Variants in PLA2G6 observed in about 807,000 individuals in gnomAD.
PLA2G6 encodes phospholipase A2 group VI, also known as 85/88 kDa calcium-independent phospholipase A2.
Under a neutral mutation model 83.8 loss-of-function variants are expected in PLA2G6, and 62 were observed. The ratio of observed to expected loss-of-function variants is 0.74; its 90% confidence interval spans 0.60 to 0.91. The LOEUF (loss-of-function observed/expected upper bound fraction) is 0.91, where lower values mean the gene tolerates loss of function less well. Ranked by LOEUF, PLA2G6 falls within the 40% of genes least tolerant of loss-of-function variation. The probability of loss-of-function intolerance (pLI) is 0.00; values close to 1 mark genes in which losing one functional copy is unlikely to be tolerated. For synonymous variants in PLA2G6, 417 were observed against 449.8 expected (o/e 0.93, Z 0.92); for missense variants, 944 against 1,102.0 (o/e 0.86, Z 2.03).
chr22:38,148,832 A>C, intron 2 of PLA2G6: 2 of 413,788 alleles, frequency 4.8e-6, no homozygotes, highest in Non-Finnish European at 8.6e-6. Flanking sequence ...TTTGTAAGGA[A>C]ACATCAAACT....
chr22:38,140,380 C>A (rs536602793), intron 4 of PLA2G6: 2 of 534,730 alleles, frequency 3.7e-6, no homozygotes, highest in Non-Finnish European at 6.8e-6. Context: ...TGGTGGCAGG[C>A]ACCTGTAATC....
At chr22:38,126,772 C>A in intron 9 of PLA2G6, 1 of 397,364 alleles carries the variant, frequency 2.5e-6, no homozygotes, top group South Asian at 2.2e-5. Flanking sequence ...CCTTGCGTGT[C>A]CTCTTCAGAC....
chr22:38,161,852 T>C (rs1285505990), intron 2 of PLA2G6, among the ~76,000 whole-genome samples: 1 of 151,840 alleles, frequency 6.6e-6, no homozygotes, highest in Admixed American at 6.5e-5. Flanking sequence ...AACAGAGAAA[T>C]GCAGAAAGAC....
At position 38,140,074 on chromosome 22, in the gene PLA2G6, C is replaced by T; in HGVS notation, c.705G>A (p.Met235Ile). 1 of 1,614,074 alleles carries T rather than the reference C, an allele frequency of 6.2e-7. No individual in the cohort carries two copies. Among genetic ancestry groups the T allele is most frequent in the Non-Finnish European group, 8.5e-7 (1 of 1,179,996 alleles). Residue 235 changes from methionine to isoleucine, a missense_variant, in exon 5 of 17, where the codon ATG (methionine) becomes ATA (isoleucine). By Grantham distance (10) the Met-to-Ile change is conservative. Coordinates refer to ENST00000332509, the MANE Select transcript of PLA2G6 (RefSeq NM_003560.4). ...HLACQLGKQE[M>I]VRVLLLCNAR... ...CATTGCACAGCAGCAGCACGCGGAC[C>T]ATCTCCTGCTTCCCCAGCTGGCAGG...
At chr22:38,135,278 A>G in intron 5 of PLA2G6, 194 bp from the exon 6 acceptor site, 1 of 588,754 alleles carries the variant, frequency 1.7e-6, no homozygotes, top group South Asian at 1.9e-5. Flanking sequence ...CCCCTCCTCC[A>G]GGAAGCCTTC....
rs768123663 is a variant in PLA2G6, at chr22:38,169,400, A to G, written c.27T>C (p.Asn9=). 5.6e-6 allele frequency: 9 copies of G among 1,614,094 alleles called. No individual in the cohort carries two copies. The highest frequency in any genetic ancestry group is 6.8e-6 in the Non-Finnish European group (8 of 1,180,038). Residue 9 remains asparagine, a synonymous_variant, in exon 2 of 17, where the codon AAT becomes AAC. Coordinates refer to ENST00000332509, the MANE Select transcript of PLA2G6 (RefSeq NM_003560.4). ...ACAAGTTGGTGACGCCACTGAAGGT[A>G]TTGACCAGGCGGCCAAAGAACTGCA... The part of the protein sequence containing the change: MQFFGRLV[N]TFSGVTNLFS...
In PLA2G6 at chr22:38,132,734, T is replaced by C. The variant is rs978943414; in HGVS notation, c.1077+97A>G. 4.6e-6 allele frequency: 5 copies of C among 1,081,606 alleles called. No individual in the cohort carries two copies. The highest frequency in any genetic ancestry group is 2.9e-4 in the Middle Eastern group (1 of 3,396). 67.0% of individuals were successfully genotyped at this position (1,081,606 alleles called of 1,614,324 possible). A position where few individuals can be genotyped will look rare whatever the true frequency, so the allele number is the denominator to read the frequency against. ...GAAGATGATTTGGAGCAGCTGACGA[T>C]AGGAGGGAGACAGTGGGGAGGAGGG... On this transcript the variant is annotated intron_variant, in intron 7 of 16. Coordinates refer to ENST00000332509, the MANE Select transcript of PLA2G6 (RefSeq NM_003560.4). This position sits in a 1 kb window ranked among gnomAD's most constrained non-coding sequence, Gnocchi z 5.0.
At chr22:38,133,177 C>T (rs2145772423) in intron 6 of PLA2G6, 164 bp from the exon 7 acceptor site, 2 of 666,410 alleles carry the variant, frequency 3.0e-6, no homozygotes, top group East Asian at 5.5e-5. Flanking sequence ...CTAGGGGGGC[C>T]TAGACTGCCT....
chr22:38,116,572 C>T (rs888096244), intron 12 of PLA2G6, among the ~76,000 whole-genome samples: 4 of 151,964 alleles, frequency 2.6e-5, no homozygotes, highest in African/African-American at 4.8e-5. Context: ...AAAGGAGAAT[C>T]GGCTGGGCAT....
intron 11 of PLA2G6, 75 bp from the exon 12 acceptor site, chr22:38,120,984 G>A (rs928761158): frequency 2.9e-5 from 45 of 1,560,666 alleles, no homozygotes; most frequent in East Asian, 1.1e-4. Flanking sequence ...CCTGCAGAGC[G>A]CCTGAACGCA....
intron 3 of PLA2G6, chr22:38,144,146 G>A (rs2089091099): frequency 6.5e-6 from 1 of 154,512 alleles, no homozygotes; most frequent in Non-Finnish European, 1.4e-5. Context: ...GCCAACTGGT[G>A]CCCTGTGCAA....
chr22:38,168,806 C>T (rs537286971), intron 2 of PLA2G6, among the ~76,000 whole-genome samples: 123 of 152,168 alleles, frequency 8.1e-4, no homozygotes, highest in African/African-American at 2.9e-3. Flanking sequence ...GCCGAGATTG[C>T]GCCACTGCAC....
chr22:38,169,153 G>C, intron 2 of PLA2G6, 65 bp downstream of exon 2: 1 of 1,268,304 alleles, frequency 7.9e-7, no homozygotes, highest in Non-Finnish European at 1.1e-6. Flanking sequence ...CGGCCAATAA[G>C]ACCTCCAATC....
intron 11 of PLA2G6, among the ~76,000 whole-genome samples, chr22:38,121,271 G>A (rs1410493521): frequency 6.6e-6 from 1 of 152,138 alleles, no homozygotes; most frequent in Admixed American, 6.5e-5. Context: ...AGCTACTCGG[G>A]AGGCTGAGAG....
intron 1 of PLA2G6, among the ~76,000 whole-genome samples, chr22:38,175,006 C>T (rs941867309): frequency 6.6e-6 from 1 of 152,132 alleles, no homozygotes; most frequent in East Asian, 1.9e-4. Context: ...AATCTGGTTC[C>T]TCCTCAGCTA....
At chr22:38,139,608 A>C (rs1471538044) in intron 5 of PLA2G6, 1 of 181,870 alleles carries the variant, frequency 5.5e-6, no homozygotes, top group African/African-American at 2.4e-5. Flanking sequence ...CTAATTTTGT[A>C]TTTTTTAGTA....
At chr22:38,174,068 C>G (rs1250438202) in intron 1 of PLA2G6, among the ~76,000 whole-genome samples, 1 of 151,422 alleles carries the variant, frequency 6.6e-6, no homozygotes, top group Non-Finnish European at 1.5e-5. Context: ...CAAAACAAAA[C>G]AAAGGGCAAA....
intron 2 of PLA2G6, among the ~76,000 whole-genome samples, chr22:38,161,682 G>A (rs917120409): frequency 2.0e-5 from 3 of 152,072 alleles, no homozygotes; most frequent in Non-Finnish European, 2.9e-5. Context: ...TGGAGTAGGC[G>A]GGGACAGAGG....
chr22:38,153,147 T>C (rs556550049), intron 2 of PLA2G6, among the ~76,000 whole-genome samples: 2 of 152,246 alleles, frequency 1.3e-5, no homozygotes, highest in African/African-American at 4.8e-5. Flanking sequence ...GATGGCCAAA[T>C]AGGGCTGGGC....
Sources: gnomAD v4.1 joint callset for allele counts (sites outside exome capture counted in the v4.1 genomes callset) on GRCh38, gnomAD v4.1.1 for gene constraint, Gnocchi (gnomAD v3.1) non-coding constraint, MANE v1.5 for transcripts, NCBI Gene and HGNC (gene_info 2026-07-23, HGNC 2026-07-21) for gene names.